The following CDC42SE2 variants were observed in gnomAD, a reference collection of about 807,000 sequenced individuals.
The protein encoded by CDC42SE2 is CDC42 small effector protein 2.
A neutral mutation model predicts 11.5 loss-of-function variants in CDC42SE2; 3 were observed. That is an observed-to-expected ratio of 0.26 (90% CI 0.12 to 0.67). CDC42SE2 has a LOEUF of 0.67. CDC42SE2 is among the 30% of genes least tolerant of loss of function. The pLI is 0.80. For synonymous variants in CDC42SE2, 33 were observed against 34.8 expected (o/e 0.95, Z 0.18); for missense variants, 82 against 106.8 (o/e 0.77, Z 1.02).
intron 1 of CDC42SE2, among the ~76,000 whole-genome samples, chr5:131,283,920 A>G (rs1486295738): frequency 6.6e-6 from 1 of 152,236 alleles, no homozygotes. Context: ...TGCTATAAAT[A>G]TGAACATTCA....
At chr5:131,340,216 G>A (rs561799494) in intron 2 of CDC42SE2, among the ~76,000 whole-genome samples, 7 of 152,250 alleles carry the variant, frequency 4.6e-5, no homozygotes, top group Non-Finnish European at 8.8e-5. Context: ...GCCAACTGTG[G>A]TCCAAAAATA....
chr5:131,313,412 T>G (rs1229313053), intron 1 of CDC42SE2, among the ~76,000 whole-genome samples: 2 of 152,300 alleles, frequency 1.3e-5, no homozygotes, highest in African/African-American at 2.4e-5. Flanking sequence ...TTTAAGTGGA[T>G]TGTGCTTTTG....
At chr5:131,326,517 C>G (rs1275494595) in intron 2 of CDC42SE2, among the ~76,000 whole-genome samples, 1 of 152,064 alleles carries the variant, frequency 6.6e-6, no homozygotes, top group East Asian at 1.9e-4. Context: ...TATGTATTCT[C>G]TGATTTTATT....
At chr5:131,293,986 C>T (rs1031351886) in intron 1 of CDC42SE2, among the ~76,000 whole-genome samples, 2 of 152,114 alleles carry the variant, frequency 1.3e-5, no homozygotes, top group Non-Finnish European at 2.9e-5. Context: ...CATTTCAGGA[C>T]CCCCTGTATT....
chr5:131,389,292 C>T (rs1750580959), intron 4 of CDC42SE2, among the ~76,000 whole-genome samples: 1 of 152,122 alleles, frequency 6.6e-6, no homozygotes, highest in African/African-American at 2.4e-5. Context: ...ATATGACAGG[C>T]CCTAGCCTCT....
chr5:131,256,452 T>A (rs559848462), intron 2 of CDC42SE2, among the ~76,000 whole-genome samples: 1 of 152,336 alleles, frequency 6.6e-6, no homozygotes, highest in East Asian at 1.9e-4. Flanking sequence ...TAATATAAAC[T>A]TAGTGGGCTG....
At chr5:131,224,577 C>T in the CDC42SE2 span, among the ~76,000 whole-genome samples, 5 of 152,056 alleles carry the variant, frequency 3.3e-5, no homozygotes, top group Non-Finnish European at 5.9e-5. Context: ...CCTGGCCTAA[C>T]CCAATAACCT....
intron 1 of CDC42SE2, among the ~76,000 whole-genome samples, chr5:131,310,954 A>G (rs1241823784): frequency 6.6e-6 from 1 of 150,618 alleles, no homozygotes; most frequent in Non-Finnish European, 1.5e-5. Flanking sequence ...TAAAGTTAAT[A>G]TTGTTATGTG....
At chr5:131,311,297 T>C (rs1757905940) in intron 1 of CDC42SE2, among the ~76,000 whole-genome samples, 1 of 151,942 alleles carries the variant, frequency 6.6e-6, no homozygotes, top group African/African-American at 2.4e-5. Context: ...TTGTAGGGTT[T>C]CTGCCGAGAG....
intron 1 of CDC42SE2, among the ~76,000 whole-genome samples, chr5:131,280,842 ATTTTATTAGAT>A (rs1206796625): frequency 6.6e-6 from 1 of 152,192 alleles, no homozygotes; most frequent in Non-Finnish European, 1.5e-5. Flanking sequence ...TAGTATGACA[ATTTTATTAGAT>A]ATTGCTACCC....
At chr5:131,351,203 G>A (rs1463293225) in intron 2 of CDC42SE2, among the ~76,000 whole-genome samples, 1 of 151,956 alleles carries the variant, frequency 6.6e-6, no homozygotes, top group African/African-American at 2.4e-5. Flanking sequence ...ACCCTCCTTG[G>A]TCTCCCAGAG....
At chr5:131,312,211 T>C (rs1392260206) in intron 1 of CDC42SE2, among the ~76,000 whole-genome samples, 1 of 151,664 alleles carries the variant, frequency 6.6e-6, no homozygotes, top group African/African-American at 2.4e-5. Flanking sequence ...CTGTGTGAGG[T>C]GTCAGTGTGC....
At chr5:131,257,386 C>T (rs1007819981) in intron 2 of CDC42SE2, among the ~76,000 whole-genome samples, 26 of 151,962 alleles carry the variant, frequency 1.7e-4, no homozygotes, top group African/African-American at 5.6e-4. Flanking sequence ...TATGAGCCAC[C>T]GTGCCCGGCC....
chr5:131,214,746 C>T, the CDC42SE2 span, among the ~76,000 whole-genome samples: 6 of 152,086 alleles, frequency 3.9e-5, no homozygotes, highest in Admixed American at 1.3e-4. Context: ...GGCTTTTGTT[C>T]CCTGGCATTG....
At chr5:131,215,842 A>C in the CDC42SE2 span, among the ~76,000 whole-genome samples, 1 of 152,266 alleles carries the variant, frequency 6.6e-6, no homozygotes, top group East Asian at 1.9e-4. Context: ...TTAAGTAATA[A>C]GATTTAATTA....
intron 1 of CDC42SE2, among the ~76,000 whole-genome samples, chr5:131,309,897 G>A: frequency 6.6e-6 from 1 of 151,404 alleles, no homozygotes; most frequent in Non-Finnish European, 1.5e-5. Context: ...CAAAAAACCA[G>A]CTCCTGGATT....
intron 1 of CDC42SE2, among the ~76,000 whole-genome samples, chr5:131,291,102 T>C (rs1485507875): frequency 1.3e-5 from 2 of 152,328 alleles, no homozygotes; most frequent in East Asian, 3.9e-4. Context: ...TGTTCTGTGG[T>C]CTGTAGTTGT....
At chr5:131,373,649 G>T (rs904137000) in intron 3 of CDC42SE2, among the ~76,000 whole-genome samples, 9 of 152,112 alleles carry the variant, frequency 5.9e-5, no homozygotes, top group Non-Finnish European at 1.2e-4. Context: ...CAACAGAAAA[G>T]CTAAAAGGAA....
In CDC42SE2 at chr5:131,391,807, CAA is replaced by C. The variant is rs925647758; in HGVS notation, c.*717_*718del. The C allele has an allele frequency of 6.6e-5, 10 of 150,994 alleles. No homozygotes were observed. Among genetic ancestry groups the C allele is most frequent in the African/African-American group, 2.5e-4 (10 of 40,276 alleles). The allele number at this position is 150,994 out of a possible 1,614,324, so 9.4% of individuals were successfully genotyped here. ...AACCCTGAAAATGTAGAAATAATTT[CAA>C]GTTTTTTTTTGTTTTATAGGGTTAT... On this transcript the variant is annotated 3_prime_UTR_variant, in exon 5 of 5. Coordinates refer to ENST00000505065, the MANE Select transcript of CDC42SE2 (RefSeq NM_001375635.1).
Sources: gnomAD v4.1 joint callset for allele counts (sites outside exome capture counted in the v4.1 genomes callset) on GRCh38, gnomAD v4.1.1 for gene constraint, MANE v1.5 for transcripts, NCBI Gene and HGNC (gene_info 2026-07-23, HGNC 2026-07-21) for gene names.